CNPY1: variants seen among roughly 807,000 people sequenced by gnomAD.
CNPY1 encodes canopy FGF signaling regulator 1.
CNPY1 carries 14 observed loss-of-function variants against 14.4 expected under a neutral mutation model. The observed-to-expected ratio is 0.97, with a 90% CI of 0.64 to 1.52. The LOEUF is 1.52. Ranked by LOEUF, CNPY1 falls within the 40% of genes most tolerant of loss-of-function variation. CNPY1 has a pLI of 0.00. For synonymous variants in CNPY1, 43 were observed against 46.5 expected (o/e 0.92, Z 0.31); for missense variants, 129 against 131.5 (o/e 0.98, Z 0.09).
chr7:155,513,615 A>G (rs2116699255), intron 2 of CNPY1, among the ~76,000 whole-genome samples: 1 of 151,156 alleles, frequency 6.6e-6, no homozygotes, highest in African/African-American at 2.4e-5. Context: ...AGGTTGTTCA[A>G]AAAAAAAAGG....
intron 2 of CNPY1, among the ~76,000 whole-genome samples, chr7:155,531,747 A>T (rs537652427): frequency 1.3e-5 from 2 of 152,358 alleles, no homozygotes; most frequent in African/African-American, 4.8e-5. Flanking sequence ...GCAAACAGGG[A>T]ATCCCAGCAA....
intron 4 of CNPY1, among the ~76,000 whole-genome samples, chr7:155,504,762 G>A (rs1796244120): frequency 6.6e-6 from 1 of 151,628 alleles, no homozygotes; most frequent in Non-Finnish European, 1.5e-5. Context: ...AAACTCTGGA[G>A]TGTCTATCAC....
At chr7:155,510,291 C>T (rs1453564177) in intron 2 of CNPY1, 3 of 152,266 alleles carry the variant, frequency 2.0e-5, no homozygotes. Context: ...CTTGAAAGCG[C>T]GGGCGGAGGG....
chr7:155,510,599 C>G (rs951322359), intron 2 of CNPY1: 1 of 152,190 alleles, frequency 6.6e-6, no homozygotes, highest in Non-Finnish European at 1.5e-5. Context: ...AATATACCAC[C>G]ACACGTATCT....
intron 4 of CNPY1, among the ~76,000 whole-genome samples, chr7:155,504,955 G>C (rs1447634984): frequency 6.6e-6 from 1 of 152,210 alleles, no homozygotes; most frequent in African/African-American, 2.4e-5. Flanking sequence ...AATGTGTTAA[G>C]ATGCATGAAT....
chr7:155,506,909 G>T, intron 4 of CNPY1, 111 bp downstream of exon 4: 1 of 693,058 alleles, frequency 1.4e-6, no homozygotes, highest in Admixed American at 2.2e-5. Flanking sequence ...CTGTGTCAGA[G>T]CCGTGGATCG....
chr7:155,510,981 T>G (rs1796518841), intron 2 of CNPY1, among the ~76,000 whole-genome samples: 1 of 152,240 alleles, frequency 6.6e-6, no homozygotes, highest in African/African-American at 2.4e-5. Flanking sequence ...TTAGGTATTA[T>G]TTCCTTAGCT....
intron 2 of CNPY1, among the ~76,000 whole-genome samples, chr7:155,531,844 T>C (rs1207314552): frequency 6.6e-6 from 1 of 152,114 alleles, no homozygotes; most frequent in African/African-American, 2.4e-5. Flanking sequence ...AAAGGCTCGT[T>C]TTGCTTCACC....
chr7:155,540,694 C>T (rs552847152), intron 2 of CNPY1, among the ~76,000 whole-genome samples: 1 of 152,370 alleles, frequency 6.6e-6, no homozygotes, highest in East Asian at 1.9e-4. Flanking sequence ...ACACACGTTT[C>T]CTGGGTCCCT....
At chr7:155,517,244 A>G (rs1004216385) in intron 2 of CNPY1, among the ~76,000 whole-genome samples, 7 of 152,268 alleles carry the variant, frequency 4.6e-5, no homozygotes, top group Admixed American at 4.6e-4. Flanking sequence ...GGAAGAGGAC[A>G]TTAGGAAACC....
chr7:155,534,523 C>T (rs543790434), intron 2 of CNPY1, among the ~76,000 whole-genome samples: 1 of 152,348 alleles, frequency 6.6e-6, no homozygotes, highest in East Asian at 1.9e-4. Context: ...GGCCTGATGA[C>T]GTCAGGCCTT....
At chr7:155,541,023 G>A (rs1405746361) in intron 2 of CNPY1, among the ~76,000 whole-genome samples, 1 of 152,242 alleles carries the variant, frequency 6.6e-6, no homozygotes, top group Non-Finnish European at 1.5e-5. Context: ...CTGAGATGCT[G>A]GCTGCATTTT....
chr7:155,544,842 CCT>C (rs1434915793), intron 2 of CNPY1, among the ~76,000 whole-genome samples: 1 of 152,190 alleles, frequency 6.6e-6, no homozygotes, highest in Non-Finnish European at 1.5e-5. Flanking sequence ...AAAAGGGACC[CCT>C]GAGAGCCCAG....
At chr7:155,506,082 G>A (rs1008893605) in intron 4 of CNPY1, among the ~76,000 whole-genome samples, 1 of 152,208 alleles carries the variant, frequency 6.6e-6, no homozygotes, top group Non-Finnish European at 1.5e-5. Flanking sequence ...ATCTACAAAT[G>A]TTCAGTAGCT....
At chr7:155,506,827 C>A in intron 4 of CNPY1, 193 bp downstream of exon 4, 1 of 583,330 alleles carries the variant, frequency 1.7e-6, no homozygotes, top group Non-Finnish European at 3.0e-6. Context: ...GAAGGCCACA[C>A]AGCCCTGTGG....
chr7:155,534,443 GCACACACAGA>G (rs1462248559), intron 2 of CNPY1, among the ~76,000 whole-genome samples: 1 of 152,192 alleles, frequency 6.6e-6, no homozygotes, highest in Non-Finnish European at 1.5e-5. Flanking sequence ...ACTTGCATGT[GCACACACAGA>G]CACACACACA....
chr7:155,518,031 G>A (rs1362147041), intron 2 of CNPY1, among the ~76,000 whole-genome samples: 3 of 152,198 alleles, frequency 2.0e-5, no homozygotes, highest in Non-Finnish European at 4.4e-5. Context: ...ATATGACCCA[G>A]AACCAAGGCC....
chr7:155,510,524 T>A (rs1382328203), intron 2 of CNPY1: 1 of 152,272 alleles, frequency 6.6e-6, no homozygotes, highest in East Asian at 1.9e-4. Flanking sequence ...GAGCTTGATT[T>A]TGAGCTGCTC....
rs762561651 is a variant in CNPY1, at chr7:155,507,246, G to A, written c.304-130C>T. 2.3e-5 allele frequency: 15 copies of A among 656,300 alleles called. No individual in the cohort carries two copies. The Middle Eastern group carries it at 8.2e-4, about 36-fold the overall frequency. The allele number at this position is 656,300 out of a possible 1,614,324, so 40.7% of individuals were successfully genotyped here. ...TAACCAAGGTGGTCCATTTTTATTCGCCCTTTTGGTTTAATACATCATTGC... is the reference window on the plus strand; with the variant it reads ...TAACCAAGGTGGTCCATTTTTATTCACCCTTTTGGTTTAATACATCATTGC... On this transcript the variant is annotated intron_variant, in intron 3 of 4. Coordinates refer to ENST00000636446, the MANE Select transcript of CNPY1 (RefSeq NM_001393663.1).
Sources: gnomAD v4.1 joint callset for allele counts (sites outside exome capture counted in the v4.1 genomes callset) on GRCh38, gnomAD v4.1.1 for gene constraint, MANE v1.5 for transcripts, NCBI Gene and HGNC (gene_info 2026-07-23, HGNC 2026-07-21) for gene names.